The following SP140 variants were observed in gnomAD, a reference collection of about 807,000 sequenced individuals.
SP140 encodes SP140 nuclear body protein, also known as nuclear body protein SP140.
In SP140, 81 loss-of-function variants were observed where a neutral mutation model predicts 125.0. That is an observed-to-expected ratio of 0.65 (90% CI 0.54 to 0.78). The LOEUF (loss-of-function observed/expected upper bound fraction) is 0.78, where lower values mean the gene tolerates loss of function less well. Ranked by LOEUF, SP140 falls within the 30% of genes least tolerant of loss-of-function variation. The probability of loss-of-function intolerance (pLI) is 0.00; values close to 1 mark genes in which losing one functional copy is unlikely to be tolerated. For synonymous variants in SP140, 312 were observed against 354.0 expected, an observed-to-expected ratio of 0.88 and a Z score of 1.33; for missense variants, 858 against 1,037.0, an observed-to-expected ratio of 0.83 and a Z score of 2.37.
At chr2:230,314,287 C>G (rs1426175739), downstream of SP140, among the ~76,000 whole-genome samples, 1 of 152,174 alleles carries the variant, frequency 6.6e-6, no homozygotes, top group Non-Finnish European at 1.5e-5. Flanking sequence ...AGAAGGAAGA[C>G]TGTGTAGAGA....
At chr2:230,199,436 T>G (rs187826083), upstream of SP140, among the ~76,000 whole-genome samples, 407 of 152,026 alleles carry the variant, frequency 2.7e-3, 2 homozygotes, top group African/African-American at 9.4e-3. Context: ...CTCGAACTCC[T>G]GGCCTCAAGT....
intron 22 of SP140, among the ~76,000 whole-genome samples, chr2:230,309,133 G>A (rs1254340978): frequency 2.0e-5 from 3 of 152,176 alleles, no homozygotes; most frequent in Admixed American, 6.5e-5. Context: ...AAGAAATGGA[G>A]AATTCGTTGA....
In SP140 at chr2:230,237,089, C is replaced by T. The variant is rs201018814; in HGVS notation, c.66C>T (p.Val22=). ...TTGTATCTTTGTTTCTTAGGATGGTCGCAGAGATCCAGAACGTAGAGGGTC... is the reference window on the plus strand; with the variant it reads ...TTGTATCTTTGTTTCTTAGGATGGTTGCAGAGATCCAGAACGTAGAGGGTC... ...SGDSNLNFRM[V]AEIQNVEGQN... The change falls in exon 2 of 27, where the codon GTC becomes GTT. Residue 22 remains valine, a synonymous_variant. Transcript: ENST00000392045. The surrounding 1 kb of genome is among the most constrained non-coding windows in gnomAD (Gnocchi z 5.4). 3.9e-5 allele frequency: 61 copies of T among 1,577,328 alleles called. No individual in the cohort carries two copies. The East Asian group carries it at 9.1e-4, about 23-fold the overall frequency.
At chr2:230,192,358 G>C in the SP140 span, among the ~76,000 whole-genome samples, 1 of 152,166 alleles carries the variant, frequency 6.6e-6, no homozygotes, top group Non-Finnish European at 1.5e-5. Flanking sequence ...TCTGTTTGCA[G>C]ATGACATGAT....
intron 10 of SP140, among the ~76,000 whole-genome samples, chr2:230,252,477 A>G (rs890491734): frequency 6.6e-6 from 1 of 152,062 alleles, no homozygotes; most frequent in Admixed American, 6.6e-5. Context: ...AAACCAAGAC[A>G]AGGAGAAGTA....
intron 12 of SP140, among the ~76,000 whole-genome samples, chr2:230,263,080 T>C (rs2052535395): frequency 6.6e-6 from 1 of 152,206 alleles, no homozygotes; most frequent in Non-Finnish European, 1.5e-5. Flanking sequence ...ACTATTATTG[T>C]GTTGCTGTCT....
upstream of SP140, chr2:230,221,662 A>G (rs1157548452): frequency 6.5e-7 from 1 of 1,527,836 alleles, no homozygotes; most frequent in Non-Finnish European, 8.8e-7. Flanking sequence ...GGCGGTGGTA[A>G]AGGAATTAAG....
At chr2:230,256,975 A>G (rs1323266827) in intron 12 of SP140, among the ~76,000 whole-genome samples, 1 of 152,236 alleles carries the variant, frequency 6.6e-6, no homozygotes, top group Non-Finnish European at 1.5e-5. Flanking sequence ...TGCTGTTTTA[A>G]GGAGCCAGAA....
chr2:230,210,791 T>C (rs1186495807), intron 1 of SP140, among the ~76,000 whole-genome samples: 1 of 152,182 alleles, frequency 6.6e-6, no homozygotes, highest in African/African-American at 2.4e-5. Flanking sequence ...TAGGAATAGG[T>C]GACTGAGGCA....
intron 1 of SP140, among the ~76,000 whole-genome samples, chr2:230,233,768 T>G (rs147710166): frequency 1.3e-3 from 192 of 152,362 alleles, no homozygotes; most frequent in African/African-American, 4.4e-3. Context: ...TTATACGTCT[T>G]TTAAATATAA....
intron 1 of SP140, among the ~76,000 whole-genome samples, chr2:230,209,755 T>C (rs1302167221): frequency 6.6e-6 from 1 of 152,196 alleles, no homozygotes; most frequent in Non-Finnish European, 1.5e-5. Context: ...GGTTTCCTGA[T>C]AATTTTCATA....
chr2:230,201,028 C>T (rs1367776904), upstream of SP140: 2 of 1,265,570 alleles, frequency 1.6e-6, no homozygotes, highest in Admixed American at 3.4e-5. Flanking sequence ...CTCCCAGAGA[C>T]CCAGGAAGGC....
upstream of SP140, among the ~76,000 whole-genome samples, chr2:230,224,417 T>G (rs575038421): frequency 7.2e-6 from 1 of 138,572 alleles, no homozygotes; most frequent in South Asian, 2.2e-4. Flanking sequence ...CTTTTCCTTC[T>G]TGTTTTAAAG....
rs138918029 is a variant in SP140, at chr2:230,256,965, T to C, written c.1240+1433T>C. Among the ~76,000 whole-genome samples, 19 of 152,328 alleles carry C rather than the reference T, an allele frequency of 1.2e-4. 1 individual carries two copies. In the East Asian group the frequency reaches 3.7e-3, roughly 29 times the overall value. ...ACTTAGATAGGGAAGGTGCTGTTAT[T>C]GCTGTTTTAAGGAGCCAGAAACACA... On this transcript the variant is annotated intron_variant, in intron 12 of 26. Coordinates refer to ENST00000392045, the MANE Select transcript of SP140 (RefSeq NM_007237.5).
chr2:230,245,096 A>G lies in SP140; in HGVS notation c.664+16A>G. On this transcript the variant is annotated intron_variant, in intron 6 of 26. Coordinates refer to ENST00000392045, the MANE Select transcript of SP140 (RefSeq NM_007237.5). Reference sequence around the variant, plus strand: ...GGTGGGGGAGGTAATTATGATTTAAATGACCAATTATCTCATTAAATTAGT... The same window carrying G: ...GGTGGGGGAGGTAATTATGATTTAAGTGACCAATTATCTCATTAAATTAGT... 6.5e-7 allele frequency: 1 copy of G among 1,537,530 alleles called. No individual in the cohort carries two copies. Among genetic ancestry groups the G allele is most frequent in the Non-Finnish European group, 9.0e-7 (1 of 1,111,252 alleles).
chr2:230,192,105 C>T, the SP140 span, among the ~76,000 whole-genome samples: 108 of 152,266 alleles, frequency 7.1e-4, no homozygotes, highest in African/African-American at 2.4e-3. Context: ...TAAAAACTCT[C>T]AATAAACTAG....
intron 1 of SP140, among the ~76,000 whole-genome samples, chr2:230,230,122 G>A (rs1574882099): frequency 2.6e-5 from 4 of 152,252 alleles, no homozygotes; most frequent in South Asian, 2.1e-4. Flanking sequence ...CCAGCCAAGC[G>A]GGAGATGTTT....
intron 22 of SP140, among the ~76,000 whole-genome samples, chr2:230,300,479 C>A (rs893648919): frequency 6.6e-6 from 1 of 152,146 alleles, no homozygotes; most frequent in African/African-American, 2.4e-5. Context: ...ATCACAGGAC[C>A]CTTTGCAGAT....
At position 230,312,881 on chromosome 2, in the gene SP140, A is replaced by C; in HGVS notation, c.*197A>C. Reference sequence around the variant, plus strand: ...CATGAATCACAACCCCAAGTATCTCATCAGCCAGGGAAGAGTAAGTGGGAT... The same window carrying C: ...CATGAATCACAACCCCAAGTATCTCCTCAGCCAGGGAAGAGTAAGTGGGAT... On this transcript the variant is annotated 3_prime_UTR_variant, in exon 27 of 27. Coordinates refer to ENST00000392045, the MANE Select transcript of SP140 (RefSeq NM_007237.5). 58 of 473,272 alleles carry C rather than the reference A, an allele frequency of 1.2e-4. No individual in the cohort carries two copies. The highest frequency in any genetic ancestry group is 5.4e-4 in the Middle Eastern group (1 of 1,864). The allele number at this position is 473,272 out of a possible 1,614,324, so 29.3% of individuals were successfully genotyped here. A position where few individuals can be genotyped will look rare whatever the true frequency, so the allele number is the denominator to read the frequency against.
Sources: allele counts gnomAD v4.1 joint callset (sites outside exome capture counted in the v4.1 genomes callset), GRCh38; gene constraint gnomAD v4.1.1; non-coding constraint Gnocchi (gnomAD v3.1); transcripts MANE v1.5; gene names NCBI Gene and HGNC (gene_info 2026-07-23, HGNC 2026-07-21).